The following CEP126 variants were observed in gnomAD, a reference collection of about 807,000 sequenced individuals.
CEP126 encodes centrosomal protein 126.
CEP126 carries 74 observed loss-of-function variants against 107.8 expected under a neutral mutation model. That is an observed-to-expected ratio of 0.69 (90% CI 0.57 to 0.83). The LOEUF (loss-of-function observed/expected upper bound fraction) is 0.83, where lower values mean the gene tolerates loss of function less well. CEP126 is among the 40% of genes least tolerant of loss of function. CEP126 has a pLI of 0.00. For synonymous variants in CEP126, 449 were observed against 446.0 expected, an observed-to-expected ratio of 1.01 and a Z score of -0.08; for missense variants, 1,237 against 1,281.9, an observed-to-expected ratio of 0.96 and a Z score of 0.53.
chr11:101,981,147 T>A (rs1355183937), intron 7 of CEP126, among the ~76,000 whole-genome samples: 2 of 151,886 alleles, frequency 1.3e-5, no homozygotes, highest in South Asian at 4.2e-4. Flanking sequence ...GCTATTTGTG[T>A]TTTAAGTTTT....
chr11:101,928,922 T>G (rs1170451151), intron 2 of CEP126, among the ~76,000 whole-genome samples: 1 of 152,202 alleles, frequency 6.6e-6, no homozygotes, highest in Non-Finnish European at 1.5e-5. Flanking sequence ...CAAAAATTAT[T>G]GCTGAGAGTT....
At chr11:101,974,572 C>T (rs549562647) in intron 6 of CEP126, among the ~76,000 whole-genome samples, 5 of 152,054 alleles carry the variant, frequency 3.3e-5, no homozygotes, top group East Asian at 1.9e-4. Context: ...AGAATGTCTC[C>T]GGTATTTTTT....
At chr11:101,996,584 G>A (rs905172429) in intron 10 of CEP126, among the ~76,000 whole-genome samples, 14 of 152,018 alleles carry the variant, frequency 9.2e-5, no homozygotes, top group Admixed American at 2.6e-4. Context: ...AAAAATAAGC[G>A]GTCTCTTATA....
At chr11:101,922,826 A>ACTT (rs1940350698) in intron 2 of CEP126, 66 bp downstream of exon 2, 20 of 1,262,926 alleles carry the variant, frequency 1.6e-5, no homozygotes, top group Non-Finnish European at 2.2e-5. Flanking sequence ...TAGTTTCTCT[A>ACTT]CTTTGTAGCA....
chr11:101,938,773 TTA>T (rs1295627166), intron 2 of CEP126, among the ~76,000 whole-genome samples: 2 of 152,170 alleles, frequency 1.3e-5, no homozygotes, highest in East Asian at 3.8e-4. Context: ...ATTTTAATTT[TTA>T]TATCATTCAA....
chr11:101,995,119 C>A (rs546156200), intron 10 of CEP126, among the ~76,000 whole-genome samples: 94 of 152,246 alleles, frequency 6.2e-4, no homozygotes, highest in African/African-American at 2.2e-3. Flanking sequence ...TGAGAACATG[C>A]AGTGTTAAAA....
Position 101,915,190 on chromosome 11 carries a change from G to T in CEP126, c.-95G>T, listed in dbSNP as rs533605419. 2 of 1,548,782 alleles carry T rather than the reference G, an allele frequency of 1.3e-6. No individual in the cohort carries two copies. Among genetic ancestry groups the T allele is most frequent in the Non-Finnish European group, 1.8e-6 (2 of 1,140,810 alleles). ...CCCGTGACGCGGGGCCTGAGAGACGGAGTGTAGGGAGGGGCCGAGCAGGAG... is the reference window on the plus strand; with the variant it reads ...CCCGTGACGCGGGGCCTGAGAGACGTAGTGTAGGGAGGGGCCGAGCAGGAG... On this transcript the variant is annotated 5_prime_UTR_variant, in exon 1 of 11. Coordinates refer to ENST00000263468, the MANE Select transcript of CEP126 (RefSeq NM_020802.4).
chr11:101,917,535 A>G (rs1940242117), intron 1 of CEP126, among the ~76,000 whole-genome samples: 1 of 152,010 alleles, frequency 6.6e-6, no homozygotes, highest in Admixed American at 6.5e-5. Context: ...TTATTTAATT[A>G]AAATTAGCTA....
chr11:101,926,203 A>G (rs1940407147), intron 2 of CEP126, among the ~76,000 whole-genome samples: 1 of 152,208 alleles, frequency 6.6e-6, no homozygotes, highest in Admixed American at 6.5e-5. Context: ...ATTCTATGGA[A>G]GCACATGCCA....
chr11:101,974,566 T>C (rs1941171591), intron 6 of CEP126, among the ~76,000 whole-genome samples: 1 of 152,168 alleles, frequency 6.6e-6, no homozygotes, highest in Non-Finnish European at 1.5e-5. Flanking sequence ...ATTTTGAGAA[T>C]GTCTCCGGTA....
intron 2 of CEP126, among the ~76,000 whole-genome samples, chr11:101,926,211 C>G (rs1473615629): frequency 2.0e-5 from 3 of 151,978 alleles, no homozygotes; most frequent in Admixed American, 1.3e-4. Context: ...GAAGCACATG[C>G]CATAGACTTA....
Position 101,978,436 on chromosome 11 carries a change from C to G in CEP126, c.2935C>G (p.Gln979Glu). ...AAGACAAAACCCTGGATCTGTAGGA[C>G]AGAAGTACAGTGAGCAAATTAATGT... ...QKRQNPGSVG[Q>E]KYSEQINNFG... The change falls in exon 7 of 11, where the codon CAG (glutamine) becomes GAG (glutamate). Residue 979 changes from glutamine (Q) to glutamate (E), a missense_variant. Gln to Glu is a conservative substitution (Grantham distance 29). Transcript: ENST00000263468. The G allele has an allele frequency of 1.2e-6, 2 of 1,606,544 alleles. No individual in the cohort carries two copies. Among genetic ancestry groups the G allele is most frequent in the South Asian group, 1.1e-5 (1 of 90,696 alleles).
chr11:101,962,392 C>T lies in CEP126; in HGVS notation c.1357C>T (p.Pro453Ser), dbSNP rs1167775045. 3 of 1,613,890 alleles carry T rather than the reference C, an allele frequency of 1.9e-6. No individual in the cohort carries two copies. The highest frequency in any genetic ancestry group is 1.7e-6 in the Non-Finnish European group (2 of 1,179,888). ...TCAAGAAAATGGAACTACTTCAATT[C>T]CTACTTCATGTGTACCAGTGGCAAC... ...LNQENGTTSI[P>S]TSCVPVATPL... The change falls in exon 6 of 11, where the codon CCT becomes TCT. Residue 453 changes from proline to serine, a missense_variant. Pro to Ser is a moderately conservative substitution (Grantham distance 74). Around this residue, in one of 3 missense-constraint regions of CEP126, gnomAD observed 1,134 missense variants for 1,150.5 expected, o/e 0.99. Transcript: ENST00000263468.
chr11:101,977,258 CT>C (rs1213995671), intron 6 of CEP126, among the ~76,000 whole-genome samples: 10 of 152,078 alleles, frequency 6.6e-5, no homozygotes, highest in African/African-American at 2.4e-4. Context: ...GTTGGCCTTG[CT>C]GTTGTTTACC....
chr11:101,999,726 A>C lies in CEP126; in HGVS notation c.*2083A>C, dbSNP rs1396623999. The stretch of plus-strand genomic sequence containing the variant: ...TTTGTGAATTAAAGTGGAAGAGAAT[A>C]ACACTTTGCATGCTATAAACGTGAA... On this transcript the variant is annotated 3_prime_UTR_variant, in exon 11 of 11. Transcript: ENST00000263468. 1 of 152,212 alleles carries C rather than the reference A, an allele frequency of 6.6e-6. No homozygotes were observed. Among genetic ancestry groups the C allele is most frequent in the African/African-American group, 2.4e-5 (1 of 41,456 alleles). 9.4% of individuals were successfully genotyped at this position (152,212 alleles called of 1,614,324 possible).
At chr11:101,947,123 T>C (rs973641789) in intron 3 of CEP126, among the ~76,000 whole-genome samples, 1 of 152,232 alleles carries the variant, frequency 6.6e-6, no homozygotes, top group African/African-American at 2.4e-5. Flanking sequence ...TTAAACATTT[T>C]AAATAAATTA....
intron 1 of CEP126, among the ~76,000 whole-genome samples, chr11:101,920,440 A>G (rs1210992099): frequency 1.3e-5 from 2 of 152,162 alleles, no homozygotes; most frequent in Non-Finnish European, 2.9e-5. Context: ...CAGCCTTTAA[A>G]GAGAATTTTG....
At chr11:101,923,605 AC>A (rs1189116827) in intron 2 of CEP126, among the ~76,000 whole-genome samples, 1 of 152,198 alleles carries the variant, frequency 6.6e-6, no homozygotes, top group African/African-American at 2.4e-5. Context: ...CTTCAGATTA[AC>A]TTTTTTATTG....
At position 101,963,888 on chromosome 11, in the gene CEP126, T is replaced by G. The variant is rs948872906; in HGVS notation, c.2845+8T>G. 1.9e-6 allele frequency: 3 copies of G among 1,543,044 alleles called. No homozygotes were observed. In the African/African-American group the frequency reaches 4.2e-5, roughly 21 times the overall value. ...AAAATAAGAGGGCTACAGGTAAGAA[T>G]AAATTTATAGCTTTTTATAGATAAA... On this transcript the variant is annotated splice_region_variant and intron_variant, in intron 6 of 10. Coordinates refer to ENST00000263468, the MANE Select transcript of CEP126 (RefSeq NM_020802.4).
Sources: allele counts gnomAD v4.1 joint callset (sites outside exome capture counted in the v4.1 genomes callset), GRCh38; gene constraint gnomAD v4.1.1; regional missense constraint gnomAD v4.1.1; transcripts MANE v1.5; gene names NCBI Gene and HGNC (gene_info 2026-07-23, HGNC 2026-07-21).